Variants in ATRIP observed in about 807,000 individuals in gnomAD.
The protein encoded by ATRIP is ATR interacting protein, also known as ATR-interacting protein.
A neutral mutation model predicts 78.1 loss-of-function variants in ATRIP; 44 were observed. That is an observed-to-expected ratio of 0.56 (90% CI 0.44 to 0.72). The LOEUF is 0.72. ATRIP is among the 30% of genes least tolerant of loss of function. The pLI is 0.00. For missense variants in ATRIP, 927 were observed against 980.2 expected, an observed-to-expected ratio of 0.95 and a Z score of 0.72; for synonymous variants, 388 against 408.9, an observed-to-expected ratio of 0.95 and a Z score of 0.62.
intron 5 of ATRIP, 86 bp downstream of exon 5, chr3:48,457,502 C>A: frequency 9.1e-7 from 1 of 1,098,030 alleles, no homozygotes; most frequent in Non-Finnish European, 1.2e-6. Flanking sequence ...CTCCCAATTT[C>A]TGTGATCAGC....
rs1375106252 is a variant in ATRIP, at chr3:48,464,643, A to G, written c.2036A>G (p.Asn679Ser). The change falls in exon 11 of 13, where the codon AAC becomes AGC. Residue 679 changes from asparagine (N) to serine (S), a missense_variant. Physicochemically the swap from Asn to Ser is conservative, Grantham distance 46 (BLOSUM62 1). Transcript: ENST00000320211. ...CCCTTGCCCCCAGTCACTGGCTCCA[A>G]CTGCCAGTGTAATGTGGAGGTGAGT... ...QSPLPPVTGS[N>S]CQCNVEVVRA... The G allele has an allele frequency of 5.0e-6, 8 of 1,614,114 alleles. No individual in the cohort carries two copies. Among genetic ancestry groups the G allele is most frequent in the South Asian group, 3.3e-5 (3 of 91,078 alleles).
rs767538488 is a variant in ATRIP, at chr3:48,465,565, G to A, written c.*11G>A. The A allele has an allele frequency of 1.2e-6, 2 of 1,609,370 alleles. No homozygotes were observed. The highest frequency in any genetic ancestry group is 2.2e-5 in the South Asian group (2 of 90,974). ...GTGGAGTGTGGCTGAGGCCCTGAGT[G>A]TCCAGCCACATGGTGGCACCAGCAC... On this transcript the variant is annotated 3_prime_UTR_variant, in exon 13 of 13. Transcript: ENST00000320211.
At position 48,447,130 on chromosome 3, in the gene ATRIP, G is replaced by T. The variant is rs1192299800; in HGVS notation, c.247+38G>T. 1.4e-6 allele frequency: 2 copies of T among 1,453,558 alleles called. 1 individual carries two copies. Among genetic ancestry groups the T allele is most frequent in the South Asian group, 2.8e-5 (2 of 71,456 alleles). 90.0% of individuals were successfully genotyped at this position (1,453,558 alleles called of 1,614,324 possible). On this transcript the variant is annotated intron_variant, in intron 1 of 12. Transcript: ENST00000320211. ...CGCGGCCTTTTGCTCGGAGGGAGTTGTCAACCGCGCCAGATCCCCTTGATG... is the reference window on the plus strand; with the variant it reads ...CGCGGCCTTTTGCTCGGAGGGAGTTTTCAACCGCGCCAGATCCCCTTGATG...
chr3:48,459,832 G>C lies in ATRIP; in HGVS notation c.971G>C (p.Gly324Ala). The change falls in exon 7 of 13, where the codon GGG becomes GCG. Residue 324 changes from glycine (G) to alanine (A), a missense_variant. Physicochemically the swap from Gly to Ala is moderately conservative, Grantham distance 60. Transcript: ENST00000320211. ...CTCCTGAAGCAGCCTTTGATCCCAG[G>C]GTCATCCCTAAGCCTTTGCCACCTC... is the stretch of plus-strand genomic sequence containing the variant. ...NLLLKQPLIP[G>A]SSLSLCHLLS... The C allele has an allele frequency of 6.2e-7, 1 of 1,613,722 alleles. No homozygotes were observed. Among genetic ancestry groups the C allele is most frequent in the Non-Finnish European group, 8.5e-7 (1 of 1,179,870 alleles).
At chr3:48,465,112 G>A in intron 12 of ATRIP, 29 bp downstream of exon 12, 2 of 1,587,624 alleles carry the variant, frequency 1.3e-6, no homozygotes, top group Non-Finnish European at 8.6e-7. Context: ...ATCCTGCCCA[G>A]CCCCCATGGC....
chr3:48,454,850 G>C (rs955787279), intron 4 of ATRIP, among the ~76,000 whole-genome samples: 1 of 148,894 alleles, frequency 6.7e-6, no homozygotes, highest in Non-Finnish European at 1.5e-5. Flanking sequence ...GGTCAGATGT[G>C]CTCAACTTGT....
chr3:48,460,635 G>T lies in ATRIP; in HGVS notation c.1581G>T (p.Arg527Ser), dbSNP rs764282919. The stretch of plus-strand genomic sequence containing the variant: ...ATGGAGATATGACCTCAGCCCTAAG[G>T]GGGGTTGCTGATGACCAAGGACAGC... ...LSDGDMTSAL[R>S]GVADDQGQHP... The change falls in exon 8 of 13, where the codon AGG becomes AGT. Residue 527 changes from arginine (R) to serine (S), a missense_variant. Coordinates refer to ENST00000320211, the MANE Select transcript of ATRIP (RefSeq NM_130384.3). 3.8e-5 allele frequency: 61 copies of T among 1,614,016 alleles called. No homozygotes were observed. The highest frequency in any genetic ancestry group is 4.9e-5 in the Non-Finnish European group (58 of 1,180,004).
chr3:48,464,935 G>A lies in ATRIP; in HGVS notation c.2160G>A (p.Leu720=), dbSNP rs777353697. ...AGCAGAGGCGGACAGTGCGCTGTCT[G>A]CGGGACACGGTGCTGCTGCTGCACG... The part of the protein sequence containing the change: ...TDQQRRTVRC[L]RDTVLLLHGL... The change falls in exon 12 of 13, where the codon CTG becomes CTA. Residue 720 remains leucine (L), a synonymous_variant. Transcript: ENST00000320211. The A allele has an allele frequency of 3.1e-6, 5 of 1,614,188 alleles. No individual in the cohort carries two copies. Among genetic ancestry groups the A allele is most frequent in the East Asian group, 2.2e-5 (1 of 44,896 alleles).
At chr3:48,457,443 T>G in intron 5 of ATRIP, 27 bp downstream of exon 5, 1 of 1,443,570 alleles carries the variant, frequency 6.9e-7, no homozygotes. Context: ...TCTATTGATG[T>G]ATAACAAGCT....
Position 48,457,333 on chromosome 3 carries a change from C to T in ATRIP, c.746C>T (p.Thr249Ile), listed in dbSNP as rs373857298. The T allele has an allele frequency of 1.9e-5, 31 of 1,608,778 alleles. No homozygotes were observed. The highest frequency in any genetic ancestry group is 2.5e-5 in the Non-Finnish European group (30 of 1,177,794). Residue 249 changes from threonine to isoleucine, a missense_variant, in exon 5 of 13, where the codon ACA becomes ATA. Physicochemically the swap from Thr to Ile is moderately conservative, Grantham distance 89. Transcript: ENST00000320211. ...SPQFGKTSFP[T>I]KESFSANMSL... is the part of the protein sequence containing the mutation. ...CAATTTGGAAAAACATCTTTTCCTA[C>T]AAAGGAGTCTTTTAGTGCTAACATG...
Position 48,460,258 on chromosome 3 carries a change from G to C in ATRIP, c.1204G>C (p.Glu402Gln). The change falls in exon 8 of 13, where the codon GAG (glutamate) becomes CAG (glutamine). Residue 402 changes from glutamate to glutamine, a missense_variant. Coordinates refer to ENST00000320211, the MANE Select transcript of ATRIP (RefSeq NM_130384.3). ...NECSRDGDPA[E>Q]GGRRAFPLCQ... ...GTGCTCACGTGATGGAGACCCAGCA[G>C]AGGGAGGCAGAAGGGCCTTCCCACT... The C allele has an allele frequency of 1.2e-6, 2 of 1,614,156 alleles. No individual in the cohort carries two copies. The highest frequency in any genetic ancestry group is 8.5e-7 in the Non-Finnish European group (1 of 1,180,020).
Position 48,457,299 on chromosome 3 carries a change from T to C in ATRIP, c.712T>C (p.Cys238Arg). 6.2e-7 allele frequency: 1 copy of C among 1,604,444 alleles called. No individual in the cohort carries two copies. Among genetic ancestry groups the C allele is most frequent in the Non-Finnish European group, 8.5e-7 (1 of 1,176,184 alleles). The part of the protein sequence containing the change: ...NPSVVIKPEA[C>R]SPQFGKTSFP... ...TTCTGTGGTTATAAAGCCAGAAGCA[T>C]GTTCTCCACAATTTGGAAAAACATC... The change falls in exon 5 of 13, where the codon TGT becomes CGT. Residue 238 changes from cysteine to arginine, a missense_variant. By Grantham distance (180) the Cys-to-Arg change is radical. Transcript: ENST00000320211.
In ATRIP at chr3:48,446,782, T is replaced by C; in HGVS notation, c.-64T>C. On this transcript the variant is annotated 5_prime_UTR_variant, in exon 1 of 13. Coordinates refer to ENST00000320211, the MANE Select transcript of ATRIP (RefSeq NM_130384.3). Reference sequence around the variant, plus strand: ...GCGGCGCGCGGACGGTTGGTCCAGTTCTCCGGCCTGGCGGCAGGCAAGTCT... The same window carrying C: ...GCGGCGCGCGGACGGTTGGTCCAGTCCTCCGGCCTGGCGGCAGGCAAGTCT... 1 of 1,351,844 alleles carries C rather than the reference T, an allele frequency of 7.4e-7. No homozygotes were observed. The highest frequency in any genetic ancestry group is 9.5e-7 in the Non-Finnish European group (1 of 1,050,436). 83.7% of individuals were successfully genotyped at this position (1,351,844 alleles called of 1,614,324 possible).
chr3:48,451,802 C>T lies in ATRIP; in HGVS notation c.455C>T (p.Thr152Met), dbSNP rs758748581. Residue 152 changes from threonine to methionine, a missense_variant, in exon 3 of 13, where the codon ACG (threonine) becomes ATG (methionine). Physicochemically the swap from Thr to Met is moderately conservative, Grantham distance 81. Transcript: ENST00000320211. ...ATTTTGCGAGACTCACTACATCAGA[C>T]GGAATCCGTTCTAGAGGAACAGAGA... is the stretch of plus-strand genomic sequence containing the variant. Reference protein sequence around the residue: ...IKILRDSLHQTESVLEEQRRS... With the variant: ...IKILRDSLHQMESVLEEQRRS... 1.1e-5 allele frequency: 18 copies of T among 1,612,456 alleles called. No individual in the cohort carries two copies. In the Admixed American group the frequency reaches 1.2e-4, roughly 10 times the overall value.
In ATRIP at chr3:48,467,274, ATC is replaced by A. The variant is rs781199890; in HGVS notation, c.*1722_*1723del. ...GGGTGATGTCCTGGCCCTGCTCAGC[ATC>A]TGTCAGTGGAGACCACAGGCCCTGC... On this transcript the variant is annotated 3_prime_UTR_variant, in exon 13 of 13. Transcript: ENST00000320211. 1.9e-6 allele frequency: 3 copies of A among 1,614,160 alleles called. No homozygotes were observed. In the Admixed American group the frequency reaches 5.0e-5, roughly 27 times the overall value.
chr3:48,452,987 C>G (rs541974911), intron 3 of ATRIP, among the ~76,000 whole-genome samples: 3 of 151,054 alleles, frequency 2.0e-5, no homozygotes, highest in East Asian at 3.9e-4. Context: ...CAGGCTCAAG[C>G]AATCCTCCCA....
At chr3:48,451,487 T>C (rs1171448922) in intron 2 of ATRIP, among the ~76,000 whole-genome samples, 1 of 152,198 alleles carries the variant, frequency 6.6e-6, no homozygotes, top group East Asian at 1.9e-4. Flanking sequence ...TCCCCCTCCC[T>C]GGCAAAAAGA....
At chr3:48,462,344 A>C (rs777891793) in intron 8 of ATRIP, among the ~76,000 whole-genome samples, 1 of 152,006 alleles carries the variant, frequency 6.6e-6, no homozygotes, top group Non-Finnish European at 1.5e-5. Context: ...GGACATTCAA[A>C]ACACAGCCAC....
intron 1 of ATRIP, 140 bp downstream of exon 1, chr3:48,447,232 CG>C (rs1341190119): frequency 5.3e-5 from 67 of 1,266,480 alleles, no homozygotes; most frequent in Non-Finnish European, 6.6e-5. Context: ...ATTTAAGCAG[CG>C]GTTGTCTTCC....
Sources: gnomAD v4.1 joint callset for allele counts (sites outside exome capture counted in the v4.1 genomes callset) on GRCh38, gnomAD v4.1.1 for gene constraint, MANE v1.5 for transcripts, NCBI Gene and HGNC (gene_info 2026-07-23, HGNC 2026-07-21) for gene names.